Variants in DYNC2H1 observed in about 807,000 individuals in gnomAD.
The protein encoded by DYNC2H1 is cytoplasmic dynein 2 heavy chain 1.
Under a neutral mutation model 570.0 loss-of-function variants are expected in DYNC2H1, and 410 were observed. That is an observed-to-expected ratio of 0.72 (90% CI 0.66 to 0.78). DYNC2H1 has a LOEUF of 0.78. Ranked by LOEUF, DYNC2H1 falls within the 30% of genes least tolerant of loss-of-function variation. The probability of loss-of-function intolerance (pLI) is 0.00; values close to 1 mark genes in which losing one functional copy is unlikely to be tolerated. For missense variants in DYNC2H1, 4,865 were observed against 5,046.4 expected, an observed-to-expected ratio of 0.96 and a Z score of 1.09; for synonymous variants, 1,688 against 1,677.6, an observed-to-expected ratio of 1.01 and a Z score of -0.15.
chr11:103,354,146 C>A (rs1940197150), intron 82 of DYNC2H1, among the ~76,000 whole-genome samples: 1 of 141,652 alleles, frequency 7.1e-6, no homozygotes, highest in African/African-American at 2.7e-5. Context: ...CACCGTACTC[C>A]AGCCTGGGTG....
At chr11:103,301,259 G>A (rs1867035071) in intron 75 of DYNC2H1, among the ~76,000 whole-genome samples, 1 of 151,820 alleles carries the variant, frequency 6.6e-6, no homozygotes, top group Non-Finnish European at 1.5e-5. Flanking sequence ...CCAGTTTTTA[G>A]CTAATATCAA....
chr11:103,423,800 G>A (rs1016777704), intron 84 of DYNC2H1, among the ~76,000 whole-genome samples: 16 of 152,008 alleles, frequency 1.1e-4, no homozygotes, highest in Admixed American at 2.6e-4. Flanking sequence ...TTGTGGATGG[G>A]AAAGAAGCAC....
intron 52 of DYNC2H1, among the ~76,000 whole-genome samples, chr11:103,207,727 A>T (rs1385099956): frequency 6.6e-6 from 1 of 152,108 alleles, no homozygotes; most frequent in Non-Finnish European, 1.5e-5. Flanking sequence ...TAGAGGCCAA[A>T]CAACATAGTT....
At chr11:103,340,366 G>A (rs556529104) in intron 82 of DYNC2H1, among the ~76,000 whole-genome samples, 9 of 151,440 alleles carry the variant, frequency 5.9e-5, no homozygotes, top group African/African-American at 1.7e-4. Flanking sequence ...GCAAAATTAC[G>A]AAAATGTGAC....
chr11:103,303,117 C>G lies in DYNC2H1; in HGVS notation c.11120C>G (p.Pro3707Arg), dbSNP rs755145842. ...GGACTGAAAGAGGTGTCCCCACTGC[C>G]TCTAAATCTCAAACGTTTATACAAA... ...TLGLKEVSPL[P>R]LNLKRLYKET... The change falls in exon 76 of 89, where the codon CCT becomes CGT. Residue 3707 changes from proline to arginine, a missense_variant. Pro to Arg is a moderately radical substitution (Grantham distance 103, BLOSUM62 -2). Around this residue, in one of 5 missense-constraint regions of DYNC2H1, gnomAD observed 2,401 missense variants for 2,454.6 expected, o/e 0.98. Coordinates refer to ENST00000375735, the MANE Select transcript of DYNC2H1 (RefSeq NM_001377.3). 9 of 1,593,718 alleles carry G rather than the reference C, an allele frequency of 5.6e-6. No homozygotes were observed. The East Asian group carries it at 9.0e-5, about 16-fold the overall frequency.
intron 83 of DYNC2H1, among the ~76,000 whole-genome samples, chr11:103,370,143 C>A (rs1339812860): frequency 1.3e-5 from 2 of 152,202 alleles, no homozygotes; most frequent in Non-Finnish European, 2.9e-5. Flanking sequence ...GACTGAAGAA[C>A]CTTTGGGCCT....
Position 103,255,444 on chromosome 11 carries a change from A to G in DYNC2H1, c.10236A>G (p.Lys3412=), listed in dbSNP as rs576479283. 68 of 1,567,526 alleles carry G rather than the reference A, an allele frequency of 4.3e-5. No individual in the cohort carries two copies. In the South Asian group the frequency reaches 7.7e-4, roughly 18 times the overall value. ...TAGCTTTAACCATTCAGCATGAGAA[A>G]CCTGATTTAGAAGAACAGAAAACAA... ...QLLALTIQHE[K]PDLEEQKTKL... The change falls in exon 67 of 89, where the codon AAA becomes AAG. Residue 3412 remains lysine (K), a synonymous_variant. Coordinates refer to ENST00000375735, the MANE Select transcript of DYNC2H1 (RefSeq NM_001377.3).
rs1344692013 is a variant in DYNC2H1 at position 103,261,263 on chromosome 11, G to A, written c.10695+1286G>A. Among the ~76,000 whole-genome samples, 5 of 150,026 alleles carry A rather than the reference G, an allele frequency of 3.3e-5. No homozygotes were observed. The highest frequency in any genetic ancestry group is 1.2e-4 in the African/African-American group (5 of 41,374). Reference sequence around the variant, plus strand: ...CAGCTGGGGGGAAGGGGTGGCTGTGGGCGCAGCATCAGCAGACTTAAACAT... The same window carrying A: ...CAGCTGGGGGGAAGGGGTGGCTGTGAGCGCAGCATCAGCAGACTTAAACAT... On this transcript the variant is annotated intron_variant, in intron 70 of 88. Transcript: ENST00000375735. The surrounding 1 kb of genome is among the most constrained non-coding windows in gnomAD (Gnocchi z 4.8).
intron 84 of DYNC2H1, among the ~76,000 whole-genome samples, chr11:103,400,120 T>C (rs1407124860): frequency 6.6e-6 from 1 of 152,230 alleles, no homozygotes; most frequent in East Asian, 1.9e-4. Flanking sequence ...GTGTTACATA[T>C]ATAATGAAAT....
chr11:103,373,389 TG>T (rs1941258652), intron 83 of DYNC2H1, among the ~76,000 whole-genome samples: 1 of 119,194 alleles, frequency 8.4e-6, no homozygotes, highest in Non-Finnish European at 2.1e-5. Flanking sequence ...TCCTCTTTTT[TG>T]ACTCTGATTT....
chr11:103,470,041 AG>A (rs1297272132), intron 88 of DYNC2H1, among the ~76,000 whole-genome samples: 1 of 152,194 alleles, frequency 6.6e-6, no homozygotes, highest in Non-Finnish European at 1.5e-5. Flanking sequence ...AAGTATAAAC[AG>A]GTTCACTTGA....
chr11:103,271,761 C>G (rs72971602), intron 70 of DYNC2H1, among the ~76,000 whole-genome samples: 1 of 152,172 alleles, frequency 6.6e-6, no homozygotes, highest in Non-Finnish European at 1.5e-5. Context: ...AGCTAATAAT[C>G]TTTAACTTAG....
At chr11:103,387,568 T>C (rs973541801) in intron 83 of DYNC2H1, among the ~76,000 whole-genome samples, 3 of 152,246 alleles carry the variant, frequency 2.0e-5, no homozygotes, top group African/African-American at 7.2e-5. Flanking sequence ...AGACATGCAG[T>C]CCTTGCCCAT....
chr11:103,213,680 G>A (rs757644907), intron 54 of DYNC2H1, among the ~76,000 whole-genome samples: 6 of 150,834 alleles, frequency 4.0e-5, no homozygotes, highest in Non-Finnish European at 7.4e-5. Flanking sequence ...GGAATTCTTT[G>A]TTGTTGTTGT....
intron 58 of DYNC2H1, 38 bp downstream of exon 58, chr11:103,222,191 A>G (rs546126475): frequency 5.8e-6 from 8 of 1,369,858 alleles, no homozygotes; most frequent in Middle Eastern, 2.5e-4. Context: ...GTTTTTCCAT[A>G]CCATATAATA....
chr11:103,372,026 C>CTTTTTTTTT (rs1179594123), intron 83 of DYNC2H1, among the ~76,000 whole-genome samples: 1 of 43,424 alleles, frequency 2.3e-5, no homozygotes, highest in South Asian at 7.5e-4. Flanking sequence ...GCAACTTTGT[C>CTTTTTTTTT]TTGTTCTTTT....
chr11:103,274,760 G>C (rs1865843055), intron 70 of DYNC2H1, among the ~76,000 whole-genome samples: 1 of 152,170 alleles, frequency 6.6e-6, no homozygotes, highest in East Asian at 1.9e-4. Context: ...CTTGAACAAT[G>C]GCCAATTGCT....
At chr11:103,184,439 G>T (rs1214584218) in intron 40 of DYNC2H1, among the ~76,000 whole-genome samples, 2 of 151,856 alleles carry the variant, frequency 1.3e-5, no homozygotes, top group African/African-American at 4.8e-5. Flanking sequence ...CTGAAGTCCA[G>T]AAGTTTCATT....
intron 84 of DYNC2H1, among the ~76,000 whole-genome samples, chr11:103,418,488 A>C (rs1229635020): frequency 1.3e-5 from 2 of 152,210 alleles, no homozygotes; most frequent in Non-Finnish European, 2.9e-5. Context: ...AAATATATGG[A>C]AAGATGCATT....
Sources: gnomAD v4.1 joint callset for allele counts (sites outside exome capture counted in the v4.1 genomes callset) on GRCh38, gnomAD v4.1.1 for gene constraint, gnomAD v4.1.1 regional missense constraint, Gnocchi (gnomAD v3.1) non-coding constraint, MANE v1.5 for transcripts, NCBI Gene and HGNC (gene_info 2026-07-23, HGNC 2026-07-21) for gene names.